FN1: variants seen among roughly 807,000 people sequenced by gnomAD.
FN1 encodes the protein fibronectin.
In FN1, 106 loss-of-function variants were observed where a neutral mutation model predicts 297.3. The ratio of observed to expected loss-of-function variants is 0.36; its 90% CI spans 0.30 to 0.42. The LOEUF (loss-of-function observed/expected upper bound fraction) is 0.42. Ranked by LOEUF, FN1 falls within the 10% of genes least tolerant of loss-of-function variation. FN1 has a pLI of 1.00. For synonymous variants in FN1, 1,149 were observed against 1,152.6 expected, an observed-to-expected ratio of 1.00 and a Z score of 0.06; for missense variants, 2,690 against 3,124.9, an observed-to-expected ratio of 0.86 and a Z score of 3.32.
At chr2:215,379,568 A>G in intron 33 of FN1, 1 of 395,914 alleles carries the variant, frequency 2.5e-6, no homozygotes, top group South Asian at 4.5e-5. Flanking sequence ...CCAAAACTCT[A>G]AGAGATTTTA....
intron 5 of FN1, among the ~76,000 whole-genome samples, chr2:215,430,046 G>C (rs1351535230): frequency 6.6e-6 from 1 of 152,156 alleles, no homozygotes; most frequent in African/African-American, 2.4e-5. Context: ...ATTTTTGTTA[G>C]CAAAGAATTT....
At chr2:215,430,039 T>C (rs2066217062) in intron 5 of FN1, among the ~76,000 whole-genome samples, 1 of 152,242 alleles carries the variant, frequency 6.6e-6, no homozygotes, top group South Asian at 2.1e-4. Flanking sequence ...GAGACCTATT[T>C]TTGTTAGCAA....
intron 21 of FN1, 64 bp downstream of exon 21, chr2:215,399,193 T>C (rs1395345593): frequency 2.4e-6 from 3 of 1,234,586 alleles, no homozygotes; most frequent in Non-Finnish European, 3.5e-6. Flanking sequence ...CTGTTTCCAC[T>C]ACATGGGAAC....
At chr2:215,433,128 C>G (rs993655834) in intron 3 of FN1, among the ~76,000 whole-genome samples, 196 bp downstream of exon 3, 9 of 152,170 alleles carry the variant, frequency 5.9e-5, no homozygotes, top group African/African-American at 1.9e-4. Flanking sequence ...ACATCAAACA[C>G]TGATTCCATC....
chr2:215,423,077 T>C (rs920980497), intron 9 of FN1, among the ~76,000 whole-genome samples: 2 of 152,116 alleles, frequency 1.3e-5, no homozygotes, highest in African/African-American at 4.8e-5. Flanking sequence ...GACTTACAAA[T>C]AAGTAATTAT....
chr2:215,379,065 C>G (rs1353347516), intron 34 of FN1, 65 bp downstream of exon 34: 1 of 1,325,462 alleles, frequency 7.5e-7, no homozygotes, highest in Non-Finnish European at 1.1e-6. Flanking sequence ...ATATTTTCAC[C>G]ACCTTAGAAA....
chr2:215,365,692 T>A, intron 42 of FN1, 62 bp from the exon 43 acceptor site: 1 of 1,549,282 alleles, frequency 6.5e-7, no homozygotes, highest in Non-Finnish European at 8.9e-7. Flanking sequence ...CACAAGACAG[T>A]AGGTGAACTG....
In FN1 at chr2:215,423,461, T is replaced by C; in HGVS notation, c.1282A>G (p.Asn428Asp). The change falls in exon 9 of 46, where the codon AAC becomes GAC. Residue 428 changes from asparagine to aspartate, a missense_variant. This residue lies in a region of FN1 where 876 missense variants were observed against 1,058.1 expected (regional missense o/e 0.83). Transcript: ENST00000354785. ...ALCHFPFLYN[N>D]HNYTDCTSEG... is the part of the protein sequence containing the mutation. ...GAAGTGCAATCAGTGTAATTGTGGT[T>C]GTTGTATAGGAAGGGGAAGTGGCAC... is the stretch of plus-strand genomic sequence containing the variant. The C allele has an allele frequency of 4.3e-6, 7 of 1,614,220 alleles. No individual in the cohort carries two copies. Among genetic ancestry groups the C allele is most frequent in the Non-Finnish European group, 5.9e-6 (7 of 1,180,042 alleles).
chr2:215,374,503 C>A (rs1284745957), intron 38 of FN1, among the ~76,000 whole-genome samples: 1 of 152,160 alleles, frequency 6.6e-6, no homozygotes, highest in Admixed American at 6.5e-5. Context: ...TTGTAAGTAT[C>A]TGGAAGTTCC....
intron 22 of FN1, among the ~76,000 whole-genome samples, 173 bp downstream of exon 22, chr2:215,397,507 A>G (rs1300196789): frequency 2.6e-5 from 4 of 152,246 alleles, no homozygotes; most frequent in East Asian, 1.9e-4. Flanking sequence ...TAAAATATAA[A>G]GCATGAATTG....
At chr2:215,364,717 G>A (rs1273974927) in intron 44 of FN1, 162 bp downstream of exon 44, 1 of 665,144 alleles carries the variant, frequency 1.5e-6, no homozygotes, top group Non-Finnish European at 2.7e-6. Context: ...TAGACATAGA[G>A]CTGCTCTAGA....
intron 27 of FN1, among the ~76,000 whole-genome samples, chr2:215,387,851 T>G (rs1280873025): frequency 6.6e-6 from 1 of 152,216 alleles, no homozygotes; most frequent in Non-Finnish European, 1.5e-5. Context: ...AAATGTAAAC[T>G]TGCTGGCTTA....
At chr2:215,424,893 T>C (rs549045797) in intron 7 of FN1, among the ~76,000 whole-genome samples, 1 of 152,314 alleles carries the variant, frequency 6.6e-6, no homozygotes, top group African/African-American at 2.4e-5. Flanking sequence ...TTTTTACCCA[T>C]GATATCCATG....
intron 6 of FN1, 145 bp downstream of exon 6, chr2:215,428,035 A>T: frequency 9.9e-7 from 1 of 1,005,740 alleles, no homozygotes; most frequent in Non-Finnish European, 1.5e-6. Context: ...AAGTTTTAAC[A>T]ACCAATAATG....
chr2:215,391,737 A>G lies in FN1; in HGVS notation c.4147T>C (p.Ser1383Pro). 6.2e-7 allele frequency: 1 copy of G among 1,614,168 alleles called. No individual in the cohort carries two copies. The highest frequency in any genetic ancestry group is 8.5e-7 in the Non-Finnish European group (1 of 1,180,012). Residue 1383 changes from serine (S) to proline (P), a missense_variant, in exon 26 of 46, where the codon TCC becomes CCC. Physicochemically the swap from Ser to Pro is moderately conservative, Grantham distance 74 (BLOSUM62 -1). Around this residue, in one of 3 missense-constraint regions of FN1, gnomAD observed 1,743 missense variants for 1,945.2 expected, o/e 0.90. Coordinates refer to ENST00000354785, the MANE Select transcript of FN1 (RefSeq NM_212482.4). ...ACCAGGAAGTTGGTTAAATCAATGG[A>G]TGGGGGTGGAGCCCAGGTGACACGC... Reference protein sequence around the residue: ...TMRVTWAPPPSIDLTNFLVRY... With the variant: ...TMRVTWAPPPPIDLTNFLVRY...
At chr2:215,431,739 A>G (rs1397090807) in intron 4 of FN1, 94 bp downstream of exon 4, 4 of 1,268,514 alleles carry the variant, frequency 3.2e-6, no homozygotes, top group African/African-American at 1.5e-5. Flanking sequence ...TTTCACTGGA[A>G]TTCAGGTCTA....
chr2:215,375,581 T>G (rs2057129581), intron 37 of FN1, 48 bp downstream of exon 37: 10 of 1,382,172 alleles, frequency 7.2e-6, no homozygotes, highest in Non-Finnish European at 9.3e-6. Context: ...TTCATGAAAC[T>G]GATTGCATAC....
chr2:215,414,623 G>C, intron 13 of FN1: 1 of 1,258,342 alleles, frequency 7.9e-7, no homozygotes, highest in Non-Finnish European at 1.0e-6. Flanking sequence ...CCCCCCCACC[G>C]CAAAAAAACA....
intron 28 of FN1, 95 bp downstream of exon 28, chr2:215,386,594 T>TTTTTTG: frequency 3.2e-6 from 1 of 311,172 alleles, no homozygotes. Context: ...TTTTTTTTTT[T>TTTTTTG]GAGAGCTGAT....
Sources: allele counts gnomAD v4.1 joint callset (sites outside exome capture counted in the v4.1 genomes callset), GRCh38; gene constraint gnomAD v4.1.1; regional missense constraint gnomAD v4.1.1; transcripts MANE v1.5; gene names NCBI Gene and HGNC (gene_info 2026-07-23, HGNC 2026-07-21).